Variants in CDH4 observed in about 807,000 individuals in gnomAD.
CDH4 encodes the protein cadherin 4.
In CDH4, 33 loss-of-function variants were observed where a neutral mutation model predicts 86.0. The observed-to-expected ratio is 0.38, with a 90% CI of 0.29 to 0.51. The LOEUF (loss-of-function observed/expected upper bound fraction) is 0.51, where lower values mean the gene tolerates loss of function less well. CDH4 is among the 20% of genes least tolerant of loss of function. The pLI is 0.86. For missense variants in CDH4, 1,114 were observed against 1,307.4 expected, an observed-to-expected ratio of 0.85 and a Z score of 2.28; for synonymous variants, 555 against 549.4, an observed-to-expected ratio of 1.01 and a Z score of -0.14.
At chr20:61,842,523 CTGCT>C in intron 4 of CDH4, among the ~76,000 whole-genome samples, 1 of 152,322 alleles carries the variant, frequency 6.6e-6, no homozygotes, top group South Asian at 2.1e-4. Flanking sequence ...TGTGTGTTCT[CTGCT>C]AGTCAAGTTT....
At chr20:61,815,495 T>C (rs1231032187) in intron 4 of CDH4, among the ~76,000 whole-genome samples, 3 of 152,258 alleles carry the variant, frequency 2.0e-5, no homozygotes, top group Admixed American at 2.0e-4. Context: ...CCAGGGAGGC[T>C]CCGGGAGACA....
chr20:61,570,708 C>T (rs2086335462), intron 2 of CDH4: 2 of 702,368 alleles, frequency 2.8e-6, no homozygotes, highest in Non-Finnish European at 5.2e-6. Context: ...CCAAAGTCAA[C>T]AGGGATGCTT....
chr20:61,822,426 CAG>C lies in CDH4; in HGVS notation c.577-22241_577-22240del, dbSNP rs374959768. On this transcript the variant is annotated intron_variant, in intron 4 of 15. Transcript: ENST00000614565. ...TATGGTGCTAAAATAAAACTGATAACAGGGGAAAAGTAGCAGATACACCTGTA... is the reference window on the plus strand; with the variant it reads ...TATGGTGCTAAAATAAAACTGATAACGGGAAAAGTAGCAGATACACCTGTA... Among the ~76,000 whole-genome samples the C allele has an allele frequency of 1.8e-4, 27 of 152,176 alleles. No individual in the cohort carries two copies. In the East Asian group the frequency reaches 4.5e-3, roughly 25 times the overall value.
intron 2 of CDH4, among the ~76,000 whole-genome samples, chr20:61,723,851 G>A (rs1356102528): frequency 6.6e-6 from 1 of 152,238 alleles, no homozygotes; most frequent in East Asian, 1.9e-4. Flanking sequence ...AGCCAGACGT[G>A]CAAGCGGCTG....
At chr20:61,735,199 G>T (rs189346929) in intron 2 of CDH4, among the ~76,000 whole-genome samples, 2 of 152,304 alleles carry the variant, frequency 1.3e-5, no homozygotes, top group East Asian at 1.9e-4. Context: ...TGCGGTTGGG[G>T]CCCCGTGGGC....
At chr20:61,390,524 A>G (rs28629805) in intron 2 of CDH4, among the ~76,000 whole-genome samples, 134 of 84,534 alleles carry the variant, frequency 1.6e-3, no homozygotes, top group Middle Eastern at 0.012. Flanking sequence ...TTGAGATCGT[A>G]CGGTCATAGG....
intron 3 of CDH4, among the ~76,000 whole-genome samples, chr20:61,751,303 C>T (rs2088491881): frequency 6.6e-6 from 1 of 152,222 alleles, no homozygotes; most frequent in South Asian, 2.1e-4. Flanking sequence ...AACCAAAGCT[C>T]TTTCCAGCCA....
At chr20:61,293,102 C>T (rs2084332672) in intron 2 of CDH4, among the ~76,000 whole-genome samples, 1 of 152,176 alleles carries the variant, frequency 6.6e-6, no homozygotes, top group South Asian at 2.1e-4. Flanking sequence ...CAGCTCCCAT[C>T]AGGATGGTGG....
rs1044034354 is a variant in CDH4 at position 61,729,518 on chromosome 20, C to T, written c.170-14045C>T. On this transcript the variant is annotated intron_variant, in intron 2 of 15. Transcript: ENST00000614565. The stretch of plus-strand genomic sequence containing the variant: ...TTTATATAGGCTCAGAGCCCTTTCA[C>T]GACGTAAGGCTCTTTCGCCACAGCA... 3.9e-5 allele frequency among the ~76,000 whole-genome samples: 6 copies of T among 152,322 alleles called. No homozygotes were observed. The East Asian group carries it at 5.8e-4, about 15-fold the overall frequency.
intron 4 of CDH4, among the ~76,000 whole-genome samples, chr20:61,819,547 G>A (rs745403928): frequency 1.1e-4 from 16 of 152,304 alleles, no homozygotes; most frequent in East Asian, 5.8e-4. Context: ...CCCAGCACCC[G>A]CTTCATGATG....
intron 4 of CDH4, among the ~76,000 whole-genome samples, chr20:61,782,234 G>A (rs1274334839): frequency 1.3e-5 from 2 of 152,122 alleles, no homozygotes; most frequent in African/African-American, 4.8e-5. Flanking sequence ...GCTCGAACCT[G>A]GGAGACAGAG....
intron 2 of CDH4, among the ~76,000 whole-genome samples, chr20:61,280,714 G>A (rs183260100): frequency 6.6e-6 from 1 of 152,346 alleles, no homozygotes; most frequent in East Asian, 1.9e-4. Flanking sequence ...ATGGGGATGT[G>A]GGGGCAGCAC....
intron 2 of CDH4, among the ~76,000 whole-genome samples, chr20:61,710,279 G>T (rs920345961): frequency 2.6e-5 from 4 of 152,200 alleles, no homozygotes; most frequent in Admixed American, 2.6e-4. Flanking sequence ...CCTCAAAGAA[G>T]TCAGCTCACC....
At chr20:61,756,131 A>G (rs1044439626) in intron 3 of CDH4, among the ~76,000 whole-genome samples, 1 of 152,206 alleles carries the variant, frequency 6.6e-6, no homozygotes, top group Non-Finnish European at 1.5e-5. Flanking sequence ...CTAAGAGCAC[A>G]TGGAGGAGGT....
At chr20:61,454,563 A>G (rs2145551151) in intron 2 of CDH4, among the ~76,000 whole-genome samples, 1 of 152,238 alleles carries the variant, frequency 6.6e-6, no homozygotes, top group Admixed American at 6.5e-5. Flanking sequence ...CTCCTGCCTC[A>G]GCCTCCGGAG....
At chr20:61,433,833 A>T (rs2085264644) in intron 2 of CDH4, among the ~76,000 whole-genome samples, 1 of 152,166 alleles carries the variant, frequency 6.6e-6, no homozygotes, top group South Asian at 2.1e-4. Context: ...AGACTCCTTA[A>T]CCTTACTACA....
intron 2 of CDH4, among the ~76,000 whole-genome samples, chr20:61,690,747 A>G (rs953427839): frequency 2.0e-5 from 3 of 152,124 alleles, no homozygotes; most frequent in African/African-American, 7.2e-5. Flanking sequence ...CTCTCCTCAC[A>G]ATGGACTTGC....
chr20:61,876,439 C>G (rs1483723939), intron 7 of CDH4, among the ~76,000 whole-genome samples: 1 of 152,220 alleles, frequency 6.6e-6, no homozygotes, highest in Non-Finnish European at 1.5e-5. Flanking sequence ...ATTGGAGAGG[C>G]AGCTGGTTCT....
At chr20:61,900,140 A>G (rs1046327148) in intron 8 of CDH4, among the ~76,000 whole-genome samples, 2 of 152,170 alleles carry the variant, frequency 1.3e-5, no homozygotes, top group African/African-American at 4.8e-5. Context: ...GACCCAGGGC[A>G]GCTCTCGCCC....
Sources: gnomAD v4.1 joint callset for allele counts (sites outside exome capture counted in the v4.1 genomes callset) on GRCh38, gnomAD v4.1.1 for gene constraint, MANE v1.5 for transcripts, NCBI Gene and HGNC (gene_info 2026-07-23, HGNC 2026-07-21) for gene names.